The following KCTD16 variants were observed in gnomAD, a reference collection of about 807,000 sequenced individuals.
KCTD16 encodes the protein potassium channel tetramerization domain containing 16.
Under a neutral mutation model 33.2 loss-of-function variants are expected in KCTD16, and 13 were observed. That is an observed-to-expected ratio of 0.39 (90% confidence interval 0.25 to 0.62). The LOEUF is 0.62. KCTD16 is among the 20% of genes least tolerant of loss of function. The pLI is 0.50. For synonymous variants in KCTD16, 197 were observed against 195.3 expected, an observed-to-expected ratio of 1.01 and a Z score of -0.07; for missense variants, 441 against 525.1, an observed-to-expected ratio of 0.84 and a Z score of 1.57.
chr5:144,216,484 G>A (rs1753566032), intron 3 of KCTD16, among the ~76,000 whole-genome samples: 1 of 152,170 alleles, frequency 6.6e-6, no homozygotes, highest in Admixed American at 6.5e-5. Context: ...GATATAATCT[G>A]ATTAGGAGTT....
chr5:144,245,532 G>A (rs986430412), intron 3 of KCTD16, among the ~76,000 whole-genome samples: 2 of 152,166 alleles, frequency 1.3e-5, no homozygotes, highest in African/African-American at 4.8e-5. Flanking sequence ...TGGGAGGAAA[G>A]CAGAGGACAA....
Position 144,237,618 on chromosome 5 carries a change from A to G in KCTD16, c.832+30072A>G, listed in dbSNP as rs141666590. On this transcript the variant is annotated intron_variant, in intron 3 of 3. Coordinates refer to ENST00000512467, the MANE Select transcript of KCTD16 (RefSeq NM_020768.4). ...AGATTATTTTCCCTAAATCTATTACATTTGCTTTCCAGTTTTTCTGGAACA... is the reference window on the plus strand; with the variant it reads ...AGATTATTTTCCCTAAATCTATTACGTTTGCTTTCCAGTTTTTCTGGAACA... Among the ~76,000 whole-genome samples, 65 of 152,170 alleles carry G rather than the reference A, an allele frequency of 4.3e-4. No individual in the cohort carries two copies. The East Asian group carries it at 0.012, about 27-fold the overall frequency.
rs935658703 is a variant in KCTD16, at chr5:144,477,746, C to T, written c.*3632C>T. Reference sequence around the variant, plus strand: ...CCAAATTTTGATTCTTATACATTTTCCTTTGCTACAATTCCAACCTTCAAC... The same window carrying T: ...CCAAATTTTGATTCTTATACATTTTTCTTTGCTACAATTCCAACCTTCAAC... On this transcript the variant is annotated 3_prime_UTR_variant, in exon 4 of 4. Coordinates refer to ENST00000512467, the MANE Select transcript of KCTD16 (RefSeq NM_020768.4). 1 of 151,954 alleles carries T rather than the reference C, an allele frequency of 6.6e-6. No individual in the cohort carries two copies. 9.4% of individuals were successfully genotyped at this position (151,954 alleles called of 1,614,324 possible). A position where few individuals can be genotyped will look rare whatever the true frequency, so the allele number is the denominator to read the frequency against.
intron 3 of KCTD16, among the ~76,000 whole-genome samples, chr5:144,389,444 T>G (rs1421933067): frequency 6.6e-6 from 1 of 152,024 alleles, no homozygotes; most frequent in Non-Finnish European, 1.5e-5. Flanking sequence ...CTAGGTTCCA[T>G]GCTCCTTATG....
chr5:144,268,059 A>G lies in KCTD16; in HGVS notation c.832+60513A>G, dbSNP rs963852589. On this transcript the variant is annotated intron_variant, in intron 3 of 3. Transcript: ENST00000512467. The stretch of plus-strand genomic sequence containing the variant: ...AGTGTATTGCACGCTTCAGACTTCT[A>G]AGGGAAAGCTTGGATAGTAAATTCT... Among the ~76,000 whole-genome samples the G allele has an allele frequency of 1.5e-4, 23 of 152,274 alleles. 1 individual carries two copies. Among genetic ancestry groups the G allele is most frequent in the Admixed American group, 1.5e-3 (23 of 15,290 alleles).
Position 144,216,533 on chromosome 5 carries a change from T to A in KCTD16, c.832+8987T>A, listed in dbSNP as rs774899163. 3.3e-5 allele frequency among the ~76,000 whole-genome samples: 5 copies of A among 152,252 alleles called. No homozygotes were observed. In the East Asian group the frequency reaches 9.6e-4, roughly 29 times the overall value. On this transcript the variant is annotated intron_variant, in intron 3 of 3. Transcript: ENST00000512467. The stretch of plus-strand genomic sequence containing the variant: ...AAAATAGAAAGCAACTCATTGAACA[T>A]AATTTGGTGGCAAAGTTAAGAGACT...
chr5:144,402,873 A>C (rs2126947505), intron 3 of KCTD16, among the ~76,000 whole-genome samples: 1 of 152,350 alleles, frequency 6.6e-6, no homozygotes, highest in Non-Finnish European at 1.5e-5. Flanking sequence ...CCACAAATTT[A>C]TTCTGTTACC....
chr5:144,393,322 G>A (rs1424096296), intron 3 of KCTD16, among the ~76,000 whole-genome samples: 5 of 152,104 alleles, frequency 3.3e-5, no homozygotes, highest in South Asian at 2.1e-4. Context: ...GTCATTCAAC[G>A]AAGAGAGAGA....
At chr5:144,373,742 G>A (rs1017237783) in intron 3 of KCTD16, among the ~76,000 whole-genome samples, 3 of 152,146 alleles carry the variant, frequency 2.0e-5, no homozygotes, top group African/African-American at 7.2e-5. Flanking sequence ...GAAGTTACTG[G>A]CATAGGCATT....
intron 3 of KCTD16, among the ~76,000 whole-genome samples, chr5:144,348,485 A>G (rs1257876419): frequency 6.6e-6 from 1 of 152,158 alleles, no homozygotes; most frequent in African/African-American, 2.4e-5. Context: ...TACTCTACCC[A>G]TCATCCTCAT....
rs780042432 is a variant in KCTD16 at position 144,478,582 on chromosome 5, T to C, written c.*4468T>C. ...TTCAACCTAACTTCAAAGAGTCTGA[T>C]TCAGAAACTTGAAGCAGGGCAAAGA... On this transcript the variant is annotated 3_prime_UTR_variant, in exon 4 of 4. Coordinates refer to ENST00000512467, the MANE Select transcript of KCTD16 (RefSeq NM_020768.4). 6.6e-6 allele frequency: 1 copy of C among 152,076 alleles called. No individual in the cohort carries two copies. Among genetic ancestry groups the C allele is most frequent in the Non-Finnish European group, 1.5e-5 (1 of 67,966 alleles). 9.4% of individuals were successfully genotyped at this position (152,076 alleles called of 1,614,324 possible). A position where few individuals can be genotyped will look rare whatever the true frequency, so the allele number is the denominator to read the frequency against.
intron 2 of KCTD16, among the ~76,000 whole-genome samples, chr5:144,176,928 A>G (rs1396353894): frequency 2.0e-5 from 3 of 152,168 alleles, no homozygotes; most frequent in Admixed American, 2.0e-4. Flanking sequence ...TCTGGTTACT[A>G]AATCTTTGTA....
intron 3 of KCTD16, among the ~76,000 whole-genome samples, chr5:144,278,890 G>A (rs1040114071): frequency 1.3e-5 from 2 of 152,160 alleles, no homozygotes; most frequent in Non-Finnish European, 2.9e-5. Flanking sequence ...TATACGTATA[G>A]ATCAATTTCG....
chr5:144,460,692 G>A (rs893188039), intron 3 of KCTD16, among the ~76,000 whole-genome samples: 1 of 152,120 alleles, frequency 6.6e-6, no homozygotes, highest in Non-Finnish European at 1.5e-5. Context: ...TCCACCCTCG[G>A]CCTCCCAAAA....
intron 3 of KCTD16, among the ~76,000 whole-genome samples, chr5:144,312,620 T>G (rs1751795985): frequency 1.3e-5 from 2 of 152,232 alleles, no homozygotes; most frequent in South Asian, 4.1e-4. Context: ...TTTTTTAGAA[T>G]GAGCACATAA....
intron 2 of KCTD16, among the ~76,000 whole-genome samples, chr5:144,190,547 A>C (rs760714163): frequency 3.3e-5 from 5 of 152,298 alleles, no homozygotes; most frequent in Non-Finnish European, 5.9e-5. Context: ...ATATCTATTA[A>C]TATTACGATT....
At position 144,207,073 on chromosome 5, in the gene KCTD16, A is replaced by T; in HGVS notation, c.359A>T (p.Lys120Ile). The T allele has an allele frequency of 6.2e-7, 1 of 1,613,380 alleles. No homozygotes were observed. The highest frequency in any genetic ancestry group is 8.5e-7 in the Non-Finnish European group (1 of 1,179,674). ...AEYFQLPDLV[K>I]LLTPDEIKQS... Reference sequence around the variant, plus strand: ...TACTTCCAGCTCCCAGACTTGGTCAAACTCCTGACCCCCGATGAAATCAAG... The same window carrying T: ...TACTTCCAGCTCCCAGACTTGGTCATACTCCTGACCCCCGATGAAATCAAG... The change falls in exon 3 of 4, where the codon AAA (lysine) becomes ATA (isoleucine). Residue 120 changes from lysine to isoleucine, a missense_variant. Transcript: ENST00000512467.
chr5:144,422,244 G>A (rs1051504274), intron 3 of KCTD16, among the ~76,000 whole-genome samples: 1 of 152,260 alleles, frequency 6.6e-6, no homozygotes, highest in Non-Finnish European at 1.5e-5. Context: ...TTGTCAAAGA[G>A]AATCAGGGAC....
At chr5:144,226,683 C>T (rs1753940665) in intron 3 of KCTD16, among the ~76,000 whole-genome samples, 1 of 152,050 alleles carries the variant, frequency 6.6e-6, no homozygotes, top group Admixed American at 6.5e-5. Flanking sequence ...AGCAATCTTC[C>T]CACCTCAGCC....
Sources: gnomAD v4.1 joint callset for allele counts (sites outside exome capture counted in the v4.1 genomes callset) on GRCh38, gnomAD v4.1.1 for gene constraint, MANE v1.5 for transcripts, NCBI Gene and HGNC (gene_info 2026-07-23, HGNC 2026-07-21) for gene names.